The following FSTL5 variants were observed in gnomAD, a reference collection of about 807,000 sequenced individuals.
The protein encoded by FSTL5 is follistatin-related protein 5.
A neutral mutation model predicts 89.1 loss-of-function variants in FSTL5; 62 were observed. That is an observed-to-expected ratio of 0.70 (90% CI 0.57 to 0.86). The LOEUF is 0.86. FSTL5 is among the 40% of genes least tolerant of loss of function. The pLI, the probability that FSTL5 is intolerant of heterozygous loss-of-function variation, is 0.00. For missense variants in FSTL5, 1,057 were observed against 1,001.6 expected, an observed-to-expected ratio of 1.06 and a Z score of -0.75; for synonymous variants, 383 against 346.2, an observed-to-expected ratio of 1.11 and a Z score of -1.18.
intron 4 of FSTL5, among the ~76,000 whole-genome samples, chr4:161,870,664 A>G (rs1218216931): frequency 1.3e-5 from 2 of 152,208 alleles, no homozygotes; most frequent in Non-Finnish European, 2.9e-5. Flanking sequence ...ACCTTTTCAG[A>G]GCTACAATTG....
intron 3 of FSTL5, among the ~76,000 whole-genome samples, chr4:161,995,135 T>G (rs10017127): frequency 0.34 from 51,349 of 152,004 alleles, 9,993 homozygotes; most frequent in Non-Finnish European, 0.42. Flanking sequence ...AATAGAGGTG[T>G]ACTCTGATAG....
intron 14 of FSTL5, among the ~76,000 whole-genome samples, chr4:161,458,193 T>A (rs896234438): frequency 2.0e-5 from 3 of 152,190 alleles, no homozygotes; most frequent in African/African-American, 7.2e-5. Context: ...CCAGATCACA[T>A]CAGCAGAGCT....
At chr4:161,990,816 T>C (rs924517393) in intron 3 of FSTL5, among the ~76,000 whole-genome samples, 7 of 152,170 alleles carry the variant, frequency 4.6e-5, no homozygotes, top group African/African-American at 1.7e-4. Context: ...ACTCTCTCTA[T>C]TAAATGAAAT....
intron 8 of FSTL5, among the ~76,000 whole-genome samples, chr4:161,543,358 C>T (rs1461349360): frequency 1.3e-5 from 2 of 151,734 alleles, no homozygotes; most frequent in Admixed American, 1.3e-4. Flanking sequence ...CTGGTAAAGG[C>T]TATTGGTAAG....
intron 13 of FSTL5, among the ~76,000 whole-genome samples, chr4:161,472,881 T>C (rs1013399885): frequency 7.2e-5 from 11 of 152,026 alleles, no homozygotes; most frequent in African/African-American, 2.4e-4. Context: ...TGTACCACCA[T>C]GGCTGGCTAA....
intron 1 of FSTL5, among the ~76,000 whole-genome samples, chr4:162,149,190 C>T (rs558009652): frequency 6.6e-6 from 1 of 152,036 alleles, no homozygotes; most frequent in South Asian, 2.1e-4. Flanking sequence ...TGAAATGAAA[C>T]CCATACAAAA....
intron 2 of FSTL5, among the ~76,000 whole-genome samples, chr4:162,056,051 T>C (rs1560994993): frequency 2.0e-5 from 3 of 151,810 alleles, no homozygotes; most frequent in South Asian, 2.1e-4. Flanking sequence ...AGTAAACAAA[T>C]ACTAAAAATG....
At position 161,657,162 on chromosome 4, in the gene FSTL5, A is replaced by G. The variant is rs1369957432; in HGVS notation, c.728-668T>C. On this transcript the variant is annotated intron_variant, in intron 6 of 15. Transcript: ENST00000306100. ...TACACATTTCTGTCTATTGCTGGAC[A>G]ACATTATTTGAAATCTGCATATGGC... Among the ~76,000 whole-genome samples, 10 of 152,324 alleles carry G rather than the reference A, an allele frequency of 6.6e-5. No homozygotes were observed. In the East Asian group the frequency reaches 1.9e-3, roughly 29 times the overall value.
chr4:161,671,823 G>A (rs917437731), intron 6 of FSTL5, among the ~76,000 whole-genome samples: 7 of 152,208 alleles, frequency 4.6e-5, no homozygotes, highest in Admixed American at 3.3e-4. Flanking sequence ...TTTCTAGTCC[G>A]TGACAGTAGC....
intron 1 of FSTL5, among the ~76,000 whole-genome samples, chr4:162,133,707 A>G (rs1430810164): frequency 6.6e-6 from 1 of 152,114 alleles, no homozygotes; most frequent in Non-Finnish European, 1.5e-5. Context: ...AAATGACAAA[A>G]CTTCCTAAAT....
At chr4:161,889,445 A>C (rs1732917937) in intron 4 of FSTL5, among the ~76,000 whole-genome samples, 1 of 152,068 alleles carries the variant, frequency 6.6e-6, no homozygotes, top group Non-Finnish European at 1.5e-5. Flanking sequence ...GGAGTTCGAG[A>C]CCAGCCTGGC....
At chr4:161,811,949 C>T (rs2126840104) in intron 4 of FSTL5, among the ~76,000 whole-genome samples, 1 of 152,074 alleles carries the variant, frequency 6.6e-6, no homozygotes, top group South Asian at 2.1e-4. Flanking sequence ...TACTACTACT[C>T]AAAAAATATT....
intron 6 of FSTL5, among the ~76,000 whole-genome samples, chr4:161,674,456 T>A (rs1348967617): frequency 6.6e-6 from 1 of 152,194 alleles, no homozygotes; most frequent in East Asian, 1.9e-4. Flanking sequence ...TGGTCTTTGA[T>A]GTGAAACATA....
chr4:161,792,135 G>A (rs1430439873), intron 4 of FSTL5, among the ~76,000 whole-genome samples: 1 of 152,158 alleles, frequency 6.6e-6, no homozygotes, highest in Non-Finnish European at 1.5e-5. Context: ...CCAACTCCTG[G>A]TGTCTGCTCT....
intron 13 of FSTL5, among the ~76,000 whole-genome samples, chr4:161,477,342 T>TA (rs1729310426): frequency 6.6e-6 from 1 of 150,662 alleles, no homozygotes; most frequent in Admixed American, 6.6e-5. Context: ...AGTATATATA[T>TA]TTTTTTCCAT....
intron 15 of FSTL5, among the ~76,000 whole-genome samples, chr4:161,444,327 A>G (rs1431285280): frequency 6.6e-6 from 1 of 151,908 alleles, no homozygotes; most frequent in East Asian, 1.9e-4. Flanking sequence ...CTACTGACAC[A>G]ACACTATATT....
intron 4 of FSTL5, among the ~76,000 whole-genome samples, chr4:161,792,989 C>T (rs920233330): frequency 3.3e-5 from 5 of 152,212 alleles, no homozygotes; most frequent in Admixed American, 2.0e-4. Context: ...CAAGCCAGGG[C>T]TGTGACACTC....
chr4:162,097,902 G>A (rs910178001), intron 2 of FSTL5, among the ~76,000 whole-genome samples: 2 of 151,820 alleles, frequency 1.3e-5, no homozygotes, highest in African/African-American at 4.8e-5. Flanking sequence ...AAAAGGTCTG[G>A]TAGTTTCTTA....
At chr4:161,667,889 A>G (rs1233520399) in intron 6 of FSTL5, among the ~76,000 whole-genome samples, 1 of 152,088 alleles carries the variant, frequency 6.6e-6, no homozygotes, top group Non-Finnish European at 1.5e-5. Flanking sequence ...CAATCATTTT[A>G]AAAAGATTCA....
Sources: gnomAD v4.1 joint callset for allele counts (sites outside exome capture counted in the v4.1 genomes callset) on GRCh38, gnomAD v4.1.1 for gene constraint, MANE v1.5 for transcripts, NCBI Gene and HGNC (gene_info 2026-07-23, HGNC 2026-07-21) for gene names.